The following TMEM154 variants were observed in gnomAD, a reference collection of about 807,000 sequenced individuals.
TMEM154 encodes transmembrane protein 154.
Under a neutral mutation model 24.5 loss-of-function variants are expected in TMEM154, and 27 were observed. The ratio of observed to expected loss-of-function variants is 1.10; its 90% CI spans 0.81 to 1.52. The LOEUF is 1.52. TMEM154 is among the 40% of genes most tolerant of loss of function. TMEM154 has a pLI of 0.00. For missense variants in TMEM154, 228 were observed against 213.4 expected (o/e 1.07, Z -0.43); for synonymous variants, 67 against 76.8 (o/e 0.87, Z 0.67).
intron 1 of TMEM154, among the ~76,000 whole-genome samples, chr4:152,653,311 A>T (rs1728425356): frequency 6.6e-6 from 1 of 152,194 alleles, no homozygotes; most frequent in Non-Finnish European, 1.5e-5. Context: ...TGTCTGAATA[A>T]ATTTAAATTC....
At chr4:152,640,661 T>C (rs1752237236) in intron 6 of TMEM154, among the ~76,000 whole-genome samples, 1 of 152,224 alleles carries the variant, frequency 6.6e-6, no homozygotes, top group South Asian at 2.1e-4. Context: ...AAACAGAAGC[T>C]GAAGCAACAG....
At chr4:152,665,289 G>A (rs781446611) in intron 1 of TMEM154, among the ~76,000 whole-genome samples, 7 of 152,148 alleles carry the variant, frequency 4.6e-5, no homozygotes, top group African/African-American at 7.2e-5. Context: ...GCTCCAGGAC[G>A]CAGCTGAAGT....
At position 152,640,993 on chromosome 4, in the gene TMEM154, A is replaced by T; in HGVS notation, c.479-8T>A. On this transcript the variant is annotated splice_polypyrimidine_tract_variant and splice_region_variant and intron_variant, in intron 5 of 6. Coordinates refer to ENST00000304385, the MANE Select transcript of TMEM154 (RefSeq NM_152680.3). The stretch of plus-strand genomic sequence containing the variant: ...GTAAACATTCAAAGTCGGCTAGGAC[A>T]GAATAAAAGCAAACTCATTGTTAGT... 6.2e-7 allele frequency: 1 copy of T among 1,606,818 alleles called. No individual in the cohort carries two copies. Among genetic ancestry groups the T allele is most frequent in the Non-Finnish European group, 8.5e-7 (1 of 1,177,582 alleles).
chr4:152,651,233 G>A (rs761666553), intron 3 of TMEM154, among the ~76,000 whole-genome samples: 12 of 151,152 alleles, frequency 7.9e-5, no homozygotes, highest in Non-Finnish European at 1.6e-4. Flanking sequence ...TGTTAGCCAG[G>A]CTGGTCTCAA....
chr4:152,666,465 A>T (rs532923667), intron 1 of TMEM154: 16 of 152,140 alleles, frequency 1.1e-4, no homozygotes, highest in African/African-American at 3.4e-4. Context: ...CCTCCACAGA[A>T]GCCTTTGGGA....
chr4:152,657,989 C>G (rs1471735140), intron 1 of TMEM154, among the ~76,000 whole-genome samples: 2 of 152,180 alleles, frequency 1.3e-5, no homozygotes, highest in Non-Finnish European at 2.9e-5. Context: ...AGGGAGTCCA[C>G]TGAGAAGCAA....
chr4:152,652,363 C>T (rs1728401979), intron 3 of TMEM154, among the ~76,000 whole-genome samples, 175 bp downstream of exon 3: 1 of 141,968 alleles, frequency 7.0e-6, no homozygotes, highest in Admixed American at 7.0e-5. Flanking sequence ...TTCAATTAAA[C>T]TTTTTTTTTT....
At chr4:152,663,548 G>C (rs1283134909) in intron 1 of TMEM154, among the ~76,000 whole-genome samples, 2 of 152,250 alleles carry the variant, frequency 1.3e-5, no homozygotes, top group African/African-American at 4.8e-5. Context: ...GCCGAGGCTG[G>C]TAGCCTCATA....
chr4:152,660,937 A>G (rs537776185), intron 1 of TMEM154, among the ~76,000 whole-genome samples: 2 of 152,330 alleles, frequency 1.3e-5, no homozygotes, highest in South Asian at 4.1e-4. Flanking sequence ...CTAGAAGAAC[A>G]CTTTGCATCT....
At chr4:152,673,490 G>A (rs1483476160) in intron 1 of TMEM154, among the ~76,000 whole-genome samples, 5 of 151,998 alleles carry the variant, frequency 3.3e-5, no homozygotes, top group Non-Finnish European at 7.4e-5. Flanking sequence ...TAGTAGAGAC[G>A]GAATTTCACC....
intron 1 of TMEM154, 150 bp downstream of exon 1, chr4:152,679,720 A>G (rs79803668): frequency 0.031 from 36,368 of 1,157,872 alleles, 675 homozygotes; most frequent in Non-Finnish European, 0.039. Flanking sequence ...CCCACCCCCC[A>G]AAAAAAGGAG....
In TMEM154 at chr4:152,624,740, C is replaced by G. The variant is rs1437652048; in HGVS notation, c.*3806G>C. ...AAACAAAAAATAATAATAATTCAGG[C>G]AATTGGTTGTCTGGGTTCTGCAATT... On this transcript the variant is annotated 3_prime_UTR_variant, in exon 7 of 7. Transcript: ENST00000304385. 1.3e-5 allele frequency: 2 copies of G among 152,116 alleles called. No homozygotes were observed. The highest frequency in any genetic ancestry group is 2.9e-5 in the Non-Finnish European group (2 of 68,034). The allele number at this position is 152,116 out of a possible 1,614,324, so 9.4% of individuals were successfully genotyped here.
At position 152,620,178 on chromosome 4, in the gene TMEM154, G is replaced by A. The variant is rs2149774572; in HGVS notation, c.*8368C>T. On this transcript the variant is annotated 3_prime_UTR_variant, in exon 7 of 7. Transcript: ENST00000304385. ...TCCAATTCTAGCACTAAACACACCT[G>A]TCTCTAACTTGAGAGTCCCTGGACA... is the stretch of plus-strand genomic sequence containing the variant. The A allele has an allele frequency of 6.6e-6, 1 of 152,262 alleles. No homozygotes were observed. Among genetic ancestry groups the A allele is most frequent in the South Asian group, 2.1e-4 (1 of 4,820 alleles). The allele number at this position is 152,262 out of a possible 1,614,324, so 9.4% of individuals were successfully genotyped here.
At chr4:152,656,258 T>C (rs1252012564) in intron 1 of TMEM154, among the ~76,000 whole-genome samples, 1 of 152,086 alleles carries the variant, frequency 6.6e-6, no homozygotes, top group Non-Finnish European at 1.5e-5. Flanking sequence ...CTACCATTTC[T>C]AGCACCCAAG....
intron 1 of TMEM154, chr4:152,666,323 C>T (rs1728721973): frequency 6.6e-6 from 1 of 152,180 alleles, no homozygotes; most frequent in African/African-American, 2.4e-5. Flanking sequence ...TTCTTAAAAG[C>T]TCCCCAAATA....
intron 6 of TMEM154, among the ~76,000 whole-genome samples, 186 bp from the exon 7 acceptor site, chr4:152,628,747 C>T (rs1251001167): frequency 6.6e-6 from 1 of 150,766 alleles, no homozygotes; most frequent in Non-Finnish European, 1.5e-5. Flanking sequence ...GGTCATTCTC[C>T]TGCCTCAGCC....
intron 1 of TMEM154, among the ~76,000 whole-genome samples, chr4:152,662,894 G>A (rs1325310190): frequency 1.3e-5 from 2 of 152,260 alleles, no homozygotes; most frequent in South Asian, 2.1e-4. Flanking sequence ...CCTGTGCTGC[G>A]CTCCAGGACT....
At chr4:152,661,291 TCTCTCTCTCTCTCTCTCTC>T (rs1728599221) in intron 1 of TMEM154, among the ~76,000 whole-genome samples, 36 of 56,504 alleles carry the variant, frequency 6.4e-4, no homozygotes, top group African/African-American at 2.1e-3. Flanking sequence ...TCTTTCTCTC[TCTCTCTCTCTCTCTCTCTC>T]TCTCTCTCTC....
intron 1 of TMEM154, among the ~76,000 whole-genome samples, chr4:152,653,460 G>T (rs1273336662): frequency 6.7e-6 from 1 of 148,924 alleles, no homozygotes; most frequent in Non-Finnish European, 1.5e-5. Context: ...CATGATCTCA[G>T]CTCACTGCAA....
Sources: allele counts gnomAD v4.1 joint callset (sites outside exome capture counted in the v4.1 genomes callset), GRCh38; gene constraint gnomAD v4.1.1; transcripts MANE v1.5; gene names NCBI Gene and HGNC (gene_info 2026-07-23, HGNC 2026-07-21).